The following USP32 variants were observed in gnomAD, a reference collection of about 807,000 sequenced individuals.
The protein encoded by USP32 is ubiquitin specific peptidase 32.
In USP32, 59 loss-of-function variants were observed where a neutral mutation model predicts 204.8. That is an observed-to-expected ratio of 0.29 (90% CI 0.23 to 0.36). USP32 has a LOEUF of 0.36. USP32 is among the 10% of genes least tolerant of loss of function. The pLI, the probability that USP32 is intolerant of heterozygous loss-of-function variation, is 1.00. For missense variants in USP32, 1,160 were observed against 1,946.4 expected, an observed-to-expected ratio of 0.60 and a Z score of 7.60; for synonymous variants, 517 against 678.4, an observed-to-expected ratio of 0.76 and a Z score of 3.70.
At chr17:60,244,538 G>A (rs1317444901) in intron 11 of USP32, among the ~76,000 whole-genome samples, 2 of 152,106 alleles carry the variant, frequency 1.3e-5, no homozygotes, top group East Asian at 1.9e-4. Flanking sequence ...ACATTTTAAT[G>A]CCTTTTTAAA....
intron 5 of USP32, among the ~76,000 whole-genome samples, chr17:60,278,665 C>A (rs1378753064): frequency 6.6e-6 from 1 of 152,002 alleles, no homozygotes; most frequent in Non-Finnish European, 1.5e-5. Flanking sequence ...AGGCAAAAAA[C>A]AGGAAAGAAT....
At chr17:60,389,427 C>A (rs1404313464) in intron 1 of USP32, among the ~76,000 whole-genome samples, 4 of 151,914 alleles carry the variant, frequency 2.6e-5, no homozygotes. Context: ...CCTGTAGTCC[C>A]AGCTACTCGG....
At chr17:60,335,267 C>T (rs2088489559) in intron 2 of USP32, among the ~76,000 whole-genome samples, 1 of 142,644 alleles carries the variant, frequency 7.0e-6, no homozygotes, top group South Asian at 2.1e-4. Context: ...CCACACCCGG[C>T]CCTCCATTTG....
chr17:60,297,119 C>G (rs954763870), intron 3 of USP32, among the ~76,000 whole-genome samples: 10 of 152,154 alleles, frequency 6.6e-5, no homozygotes, highest in Admixed American at 4.6e-4. Context: ...AATAAACTGC[C>G]AGGTATGGTG....
intron 9 of USP32, among the ~76,000 whole-genome samples, chr17:60,261,345 GT>G (rs2086446826): frequency 6.6e-6 from 1 of 152,056 alleles, no homozygotes; most frequent in Non-Finnish European, 1.5e-5. Context: ...AATAAAGGCT[GT>G]TTAAAAAGTA....
chr17:60,421,549 T>C (rs2090114226), intron 1 of USP32: 11 of 985,432 alleles, frequency 1.1e-5, no homozygotes, highest in Non-Finnish European at 1.3e-5. Context: ...GGAGAAGGAA[T>C]TCCTAGTTTC....
intron 1 of USP32, among the ~76,000 whole-genome samples, chr17:60,388,255 A>G (rs113598031): frequency 0.018 from 2,754 of 150,608 alleles, 76 homozygotes; most frequent in African/African-American, 0.064. Flanking sequence ...ACTACAATTT[A>G]AAAGTTAAGA....
At chr17:60,261,444 T>G (rs1291003146) in intron 9 of USP32, among the ~76,000 whole-genome samples, 1 of 152,000 alleles carries the variant, frequency 6.6e-6, no homozygotes, top group Non-Finnish European at 1.5e-5. Flanking sequence ...GTCAGGAGTT[T>G]GAGACCAGCC....
intron 31 of USP32, among the ~76,000 whole-genome samples, chr17:60,182,804 G>C (rs1160677957): frequency 6.6e-6 from 1 of 151,664 alleles, no homozygotes; most frequent in Non-Finnish European, 1.5e-5. Flanking sequence ...AAAAAAAAAA[G>C]AGTTTTGATC....
intron 2 of USP32, among the ~76,000 whole-genome samples, chr17:60,340,351 G>A (rs1003568437): frequency 8.7e-5 from 9 of 103,654 alleles, no homozygotes; most frequent in Non-Finnish European, 4.8e-5. Flanking sequence ...CAAGGTGGGA[G>A]AGGATCATTT....
rs1324652531 is a variant in USP32, at chr17:60,181,616, T to C, written c.4256A>G (p.Lys1419Arg). 1 of 1,613,878 alleles carries C rather than the reference T, an allele frequency of 6.2e-7. No individual in the cohort carries two copies. The highest frequency in any genetic ancestry group is 2.2e-5 in the East Asian group (1 of 44,908). Reference sequence around the variant, plus strand: ...CAAGTTCTCTTTACTACTTGACAGTTTATTTTTGCTGCCAATCTGGGGCAG... The same window carrying C: ...CAAGTTCTCTTTACTACTTGACAGTCTATTTTTGCTGCCAATCTGGGGCAG... Reference protein sequence around the residue: ...LRLPQIGSKNKLSSSKENLDA... With the variant: ...LRLPQIGSKNRLSSSKENLDA... Residue 1419 changes from lysine (K) to arginine (R), a missense_variant, in exon 32 of 34, where the codon AAA becomes AGA. Transcript: ENST00000300896.
At chr17:60,219,540 T>G in intron 16 of USP32, 130 bp downstream of exon 16, 1 of 1,374,936 alleles carries the variant, frequency 7.3e-7, no homozygotes, top group Non-Finnish European at 9.6e-7. Flanking sequence ...GGCACCAGAC[T>G]TCGAGCAACG....
chr17:60,345,411 G>A, intron 2 of USP32, 70 bp downstream of exon 2: 1 of 1,577,578 alleles, frequency 6.3e-7, no homozygotes, highest in South Asian at 1.1e-5. Flanking sequence ...AGAGCAGAAG[G>A]CCCCTCAGGA....
chr17:60,309,158 CTT>C (rs2087796858), intron 2 of USP32, among the ~76,000 whole-genome samples: 1 of 152,164 alleles, frequency 6.6e-6, no homozygotes, highest in Admixed American at 6.5e-5. Context: ...AAGCTAAAAA[CTT>C]CTGCTCAGCA....
intron 1 of USP32, among the ~76,000 whole-genome samples, chr17:60,352,644 T>C (rs971583378): frequency 6.6e-6 from 1 of 152,190 alleles, no homozygotes; most frequent in Non-Finnish European, 1.5e-5. Flanking sequence ...ACATGCACAT[T>C]GGTGTCGATG....
chr17:60,222,704 C>T (rs570319838), intron 14 of USP32, among the ~76,000 whole-genome samples, 155 bp from the exon 15 acceptor site: 5 of 124,130 alleles, frequency 4.0e-5, no homozygotes, highest in South Asian at 5.0e-4. Flanking sequence ...TTTTTTGAGA[C>T]GGGGTCTTGT....
intron 1 of USP32, among the ~76,000 whole-genome samples, chr17:60,352,546 G>A (rs1567869245): frequency 6.6e-6 from 1 of 152,076 alleles, no homozygotes; most frequent in Non-Finnish European, 1.5e-5. Flanking sequence ...AACTGATAAA[G>A]GTATCAGGTA....
intron 14 of USP32, among the ~76,000 whole-genome samples, chr17:60,222,870 C>T (rs1009564730): frequency 7.9e-5 from 12 of 151,566 alleles, no homozygotes; most frequent in East Asian, 3.9e-4. Flanking sequence ...TTAGTAGAGA[C>T]GGGGTTTCAC....
At chr17:60,282,725 T>A (rs1304847294) in intron 5 of USP32, among the ~76,000 whole-genome samples, 2 of 152,188 alleles carry the variant, frequency 1.3e-5, no homozygotes, top group African/African-American at 4.8e-5. Context: ...TGATGATTTA[T>A]CTTGGTCCTT....
Sources: gnomAD v4.1 joint callset for allele counts (sites outside exome capture counted in the v4.1 genomes callset) on GRCh38, gnomAD v4.1.1 for gene constraint, MANE v1.5 for transcripts, NCBI Gene and HGNC (gene_info 2026-07-23, HGNC 2026-07-21) for gene names.